RIMS1: variants seen among roughly 807,000 people sequenced by gnomAD.
RIMS1 encodes regulating synaptic membrane exocytosis 1.
RIMS1 carries 83 observed loss-of-function variants against 214.1 expected under a neutral mutation model. That is an observed-to-expected ratio of 0.39 (90% CI 0.32 to 0.47). The LOEUF (loss-of-function observed/expected upper bound fraction) is 0.47, where lower values mean the gene tolerates loss of function less well. RIMS1 is among the 20% of genes least tolerant of loss of function. The pLI is 0.99. For synonymous variants in RIMS1, 793 were observed against 786.8 expected (o/e 1.01, Z -0.13); for missense variants, 2,050 against 2,161.8 (o/e 0.95, Z 1.03).
At chr6:72,126,037 G>T (rs1460423933) in intron 4 of RIMS1, among the ~76,000 whole-genome samples, 1 of 152,194 alleles carries the variant, frequency 6.6e-6, no homozygotes, top group Non-Finnish European at 1.5e-5. Context: ...AGGTATCTCA[G>T]TTGGAAATGT....
At chr6:72,186,618 G>C (rs984108235) in intron 6 of RIMS1, among the ~76,000 whole-genome samples, 2 of 152,136 alleles carry the variant, frequency 1.3e-5, no homozygotes, top group African/African-American at 4.8e-5. Flanking sequence ...AAGTGTTGGA[G>C]CCCTTCAGTG....
In RIMS1 at chr6:71,982,964, A is replaced by G. The variant is rs144938733; in HGVS notation, c.245+13901A>G. Among the ~76,000 whole-genome samples, 7 of 151,910 alleles carry G rather than the reference A, an allele frequency of 4.6e-5. No individual in the cohort carries two copies. In the East Asian group the frequency reaches 1.4e-3, roughly 29 times the overall value. On this transcript the variant is annotated intron_variant, in intron 2 of 33. Coordinates refer to ENST00000521978, the MANE Select transcript of RIMS1 (RefSeq NM_014989.7). ...GTTTTACAAAACCACAATATTCCCT[A>G]CTCATTGAAGATGTCCTTCCCTTCT...
intron 2 of RIMS1, among the ~76,000 whole-genome samples, chr6:71,991,586 T>C (rs1801578645): frequency 6.6e-6 from 1 of 152,200 alleles, no homozygotes; most frequent in Admixed American, 6.5e-5. Context: ...CTAAGGATAT[T>C]CTATTTCATA....
chr6:72,032,612 C>T (rs974494844), intron 2 of RIMS1, among the ~76,000 whole-genome samples: 4 of 152,132 alleles, frequency 2.6e-5, no homozygotes, highest in Admixed American at 2.0e-4. Context: ...ATTTCACCCC[C>T]ACTCCTTAAG....
At chr6:72,205,661 T>C (rs1249635887) in intron 6 of RIMS1, among the ~76,000 whole-genome samples, 1 of 152,190 alleles carries the variant, frequency 6.6e-6, no homozygotes, top group African/African-American at 2.4e-5. Flanking sequence ...CTGCAATCAT[T>C]ACCTCTAACT....
intron 2 of RIMS1, among the ~76,000 whole-genome samples, chr6:71,997,862 A>T (rs892036485): frequency 1.5e-4 from 23 of 152,176 alleles, no homozygotes; most frequent in Non-Finnish European, 2.8e-4. Flanking sequence ...CTCTGTGGTT[A>T]CTACTGTGCC....
intron 4 of RIMS1, among the ~76,000 whole-genome samples, chr6:72,115,474 C>G (rs896391223): frequency 3.3e-5 from 5 of 151,814 alleles, no homozygotes; most frequent in African/African-American, 7.2e-5. Context: ...TGTCAATGCT[C>G]TGTAAGAATT....
At chr6:71,936,763 C>T (rs1784585282) in intron 1 of RIMS1, among the ~76,000 whole-genome samples, 1 of 152,156 alleles carries the variant, frequency 6.6e-6, no homozygotes, top group Non-Finnish European at 1.5e-5. Context: ...GTGCCGCATC[C>T]GTTTTGTAAA....
At chr6:72,127,870 T>C (rs2039829893) in intron 4 of RIMS1, among the ~76,000 whole-genome samples, 1 of 152,212 alleles carries the variant, frequency 6.6e-6, no homozygotes, top group Admixed American at 6.5e-5. Flanking sequence ...TACGCTTACA[T>C]ACAACCAAGT....
chr6:72,079,660 G>A (rs1043797134), intron 2 of RIMS1, among the ~76,000 whole-genome samples: 10 of 152,052 alleles, frequency 6.6e-5, no homozygotes, highest in Non-Finnish European at 1.3e-4. Flanking sequence ...AAGGCAGGAG[G>A]ATCAGTTGAA....
intron 28 of RIMS1, among the ~76,000 whole-genome samples, chr6:72,318,765 C>G (rs895088258): frequency 2.6e-5 from 4 of 152,282 alleles, no homozygotes; most frequent in Admixed American, 1.3e-4. Context: ...GATTTCAGTT[C>G]TAACTCCTCA....
chr6:72,373,533 C>A (rs552598113), intron 29 of RIMS1, among the ~76,000 whole-genome samples: 2 of 152,262 alleles, frequency 1.3e-5, no homozygotes, highest in East Asian at 3.9e-4. Flanking sequence ...TAGGACAATG[C>A]CTTGAGAGTA....
intron 4 of RIMS1, among the ~76,000 whole-genome samples, chr6:72,166,735 C>CT (rs2046321595): frequency 1.0e-5 from 1 of 99,004 alleles, no homozygotes; most frequent in South Asian, 4.5e-4. Flanking sequence ...AAGTAACTCT[C>CT]TTAATTGTTT....
chr6:72,348,116 C>A (rs567215568), intron 29 of RIMS1, among the ~76,000 whole-genome samples: 1 of 151,756 alleles, frequency 6.6e-6, no homozygotes, highest in Admixed American at 6.6e-5. Flanking sequence ...CAAGCAAGCT[C>A]TTCTTAGTGG....
At chr6:72,368,121 T>C (rs1399483499) in intron 29 of RIMS1, among the ~76,000 whole-genome samples, 1 of 152,036 alleles carries the variant, frequency 6.6e-6, no homozygotes, top group Non-Finnish European at 1.5e-5. Flanking sequence ...TTTTATGCCA[T>C]CATTATGCTT....
intron 4 of RIMS1, among the ~76,000 whole-genome samples, chr6:72,109,179 A>G (rs1352770617): frequency 6.6e-6 from 1 of 152,190 alleles, no homozygotes; most frequent in Admixed American, 6.5e-5. Context: ...ATGTGTCTTC[A>G]TAGCAGAATG....
chr6:72,279,298 G>A (rs552670102), intron 23 of RIMS1, among the ~76,000 whole-genome samples: 12 of 151,930 alleles, frequency 7.9e-5, no homozygotes, highest in African/African-American at 2.9e-4. Context: ...ACAGAAAATG[G>A]AACTTCAAAA....
chr6:72,360,726 A>G (rs9442772), intron 29 of RIMS1, among the ~76,000 whole-genome samples: 2,976 of 149,506 alleles, frequency 0.02, 94 homozygotes, highest in African/African-American at 0.07. Context: ...TACTATATAT[A>G]TAAAACTGTG....
At chr6:72,261,403 C>A in intron 19 of RIMS1, 2 of 985,402 alleles carry the variant, frequency 2.0e-6, no homozygotes, top group Non-Finnish European at 2.4e-6. Flanking sequence ...TCTTTAGAAG[C>A]GACAAAAGAT....
Sources: allele counts gnomAD v4.1 joint callset (sites outside exome capture counted in the v4.1 genomes callset), GRCh38; gene constraint gnomAD v4.1.1; transcripts MANE v1.5; gene names NCBI Gene and HGNC (gene_info 2026-07-23, HGNC 2026-07-21).